Variants in CRELD2 observed in about 807,000 individuals in gnomAD.
CRELD2 encodes the protein protein disulfide isomerase CRELD2.
In CRELD2, 33 loss-of-function variants were observed where a neutral mutation model predicts 48.1. That is an observed-to-expected ratio of 0.69 (90% CI 0.52 to 0.92). The LOEUF (loss-of-function observed/expected upper bound fraction) is 0.92. CRELD2 is among the 40% of genes least tolerant of loss of function. The pLI, the probability that CRELD2 is intolerant of heterozygous loss-of-function variation, is 0.00. For missense variants in CRELD2, 477 were observed against 482.4 expected, an observed-to-expected ratio of 0.99 and a Z score of 0.10; for synonymous variants, 220 against 203.9, an observed-to-expected ratio of 1.08 and a Z score of -0.67.
chr22:49,924,559 C>A, intron 8 of CRELD2, 104 bp downstream of exon 8: 2 of 797,148 alleles, frequency 2.5e-6, no homozygotes, highest in South Asian at 1.8e-5. Context: ...AGTTGAGACC[C>A]GTCCTGCAGA....
At chr22:49,927,126 G>C in intron 9 of CRELD2, 129 bp from the exon 10 acceptor site, 1 of 806,532 alleles carries the variant, frequency 1.2e-6, no homozygotes, top group Non-Finnish European at 2.2e-6. Flanking sequence ...GCCCTTGGAT[G>C]GCTGCGTCCG....
chr22:49,924,278 A>T lies in CRELD2; in HGVS notation c.773-82A>T. The T allele has an allele frequency of 7.4e-6, 7 of 943,714 alleles. No individual in the cohort carries two copies. The South Asian group carries it at 1.1e-4, about 14-fold the overall frequency. 58.5% of individuals were successfully genotyped at this position (943,714 alleles called of 1,614,324 possible). ...AGGAGAAAACCCAAATCCTGGCGGC[A>T]CCGGTGCCTTGTGCATGTCGGGGTC... On this transcript the variant is annotated intron_variant, in intron 7 of 9. Coordinates refer to ENST00000328268, the MANE Select transcript of CRELD2 (RefSeq NM_024324.5).
intron 4 of CRELD2, 28 bp from the exon 5 acceptor site, chr22:49,921,557 T>C (rs748545287): frequency 4.4e-6 from 7 of 1,605,224 alleles, no homozygotes. Context: ...CCAGGTGTGC[T>C]CTGAGCATGG....
At chr22:49,922,306 GC>G (rs1569184998) in intron 5 of CRELD2, 1 of 1,238,216 alleles carries the variant, frequency 8.1e-7, no homozygotes, top group Admixed American at 2.0e-5. Flanking sequence ...GTCAGGACCG[GC>G]CTCTCCGATT....
In CRELD2 at chr22:49,924,415, G is replaced by A; in HGVS notation, c.828G>A (p.Glu276=). The A allele has an allele frequency of 6.2e-7, 1 of 1,612,622 alleles. No homozygotes were observed. The highest frequency in any genetic ancestry group is 8.5e-7 in the Non-Finnish European group (1 of 1,179,468). ...CTGEGPGNCK[E]CISGYAREHG... ...GGGAAGGCCCAGGAAACTGTAAAGA[G>A]TGTATCTCTGGCTACGCGAGGGAGC... is the stretch of plus-strand genomic sequence containing the variant. Residue 276 remains glutamate (E), a synonymous_variant, in exon 8 of 10, where the codon GAG becomes GAA. Transcript: ENST00000328268.
At chr22:49,923,458 T>C in intron 7 of CRELD2, 141 bp downstream of exon 7, 1 of 733,860 alleles carries the variant, frequency 1.4e-6, no homozygotes, top group Non-Finnish European at 2.4e-6. Flanking sequence ...AAGTAAGTCA[T>C]AGGTATTTGC....
chr22:49,919,087 C>A, intron 1 of CRELD2, 143 bp from the exon 2 acceptor site: 8 of 950,600 alleles, frequency 8.4e-6, no homozygotes, highest in Non-Finnish European at 1.3e-5. Flanking sequence ...TCCCCCTCAC[C>A]CTTGACCCGG....
At chr22:49,925,130 C>CAAAA in intron 8 of CRELD2, 1 of 145,566 alleles carries the variant, frequency 6.9e-6, no homozygotes, top group Non-Finnish European at 1.3e-5. Context: ...GACTCCGCCT[C>CAAAA]AAAAAAAAAA....
intron 6 of CRELD2, 26 bp from the exon 7 acceptor site, chr22:49,923,208 C>G: frequency 6.5e-7 from 1 of 1,539,770 alleles, no homozygotes; most frequent in Admixed American, 1.9e-5. Flanking sequence ...TCCTGGGCCG[C>G]TCACAGCTGT....
rs770929809 is a variant in CRELD2, at chr22:49,921,659, G to T, written c.490G>T (p.Gly164Trp). 3 of 1,612,684 alleles carry T rather than the reference G, an allele frequency of 1.9e-6. No homozygotes were observed. The highest frequency in any genetic ancestry group is 2.7e-5 in the African/African-American group (2 of 74,926). The change falls in exon 5 of 10, where the codon GGG (glycine) becomes TGG (tryptophan). Residue 164 changes from glycine (G) to tryptophan (W), a missense_variant. Coordinates refer to ENST00000328268, the MANE Select transcript of CRELD2 (RefSeq NM_024324.5). Reference sequence around the variant, plus strand: ...CGGAGATGGGAGCAGACAGGGCGACGGGTCCTGCCGGTGCCACATGGGGTA... The same window carrying T: ...CGGAGATGGGAGCAGACAGGGCGACTGGTCCTGCCGGTGCCACATGGGGTA... ...CSGDGSRQGD[G>W]SCRCHMGYQG...
chr22:49,924,182 A>G (rs2060732664), intron 7 of CRELD2, 178 bp from the exon 8 acceptor site: 2 of 535,060 alleles, frequency 3.7e-6, no homozygotes, highest in South Asian at 2.3e-5. Context: ...CCTGCTGCAC[A>G]GCAGGACGCG....
intron 1 of CRELD2, 21 bp from the exon 2 acceptor site, chr22:49,919,209 A>G (rs185875841): frequency 1.9e-6 from 3 of 1,612,180 alleles, no homozygotes; most frequent in East Asian, 2.2e-5. Context: ...ACCAAGCACT[A>G]TGGGCACTGT....
At chr22:49,919,026 T>TCGGGGGCGCCCCCGCCGTGGGCC in intron 1 of CRELD2, 128 bp downstream of exon 1, 1 of 862,368 alleles carries the variant, frequency 1.2e-6, no homozygotes. Flanking sequence ...CACCCTGGAT[T>TCGGGGGCGCCCCCGCCGTGGGCC]CGGGATCCCC....
Position 49,919,798 on chromosome 22 carries a change from T to C in CRELD2, c.281T>C (p.Leu94Pro), listed in dbSNP as rs1461803577. 1 of 1,613,106 alleles carries C rather than the reference T, an allele frequency of 6.2e-7. No homozygotes were observed. Residue 94 changes from leucine (L) to proline (P), a missense_variant, in exon 3 of 10, where the codon CTA becomes CCA. Physicochemically the swap from Leu to Pro is moderately conservative, Grantham distance 98. Coordinates refer to ENST00000328268, the MANE Select transcript of CRELD2 (RefSeq NM_024324.5). ...ESSDFECNQM[L>P]EAQEEHLEAW... ...AGCGACTTCGAATGCAATCAGATGC[T>C]AGAGGCGCAGGAGGAGCACCTGGAG...
chr22:49,924,219 G>A (rs549393723), intron 7 of CRELD2, 141 bp from the exon 8 acceptor site: 1 of 606,784 alleles, frequency 1.6e-6, no homozygotes, highest in African/African-American at 1.8e-5. Flanking sequence ...GGGAGACAGA[G>A]ACAGATCGTT....
At chr22:49,922,249 G>A (rs747174033) in intron 5 of CRELD2, 2 of 1,560,244 alleles carry the variant, frequency 1.3e-6, no homozygotes, top group Admixed American at 1.8e-5. Context: ...ACAGACCCGT[G>A]GATCGATAGT....
In CRELD2 at chr22:49,925,486, G is replaced by A. The variant is rs774555010; in HGVS notation, c.938G>A (p.Gly313Glu). The part of the protein sequence containing the change: ...RKNENCYNTP[G>E]SYVCVCPDGF... ...AACGAAAACTGCTACAATACTCCAG[G>A]GAGCTACGTCTGTGTGTGTCCTGAC... Residue 313 changes from glycine to glutamate, a missense_variant, in exon 9 of 10, where the codon GGG (glycine) becomes GAG (glutamate). Gly to Glu is a moderately conservative substitution (Grantham distance 98). Coordinates refer to ENST00000328268, the MANE Select transcript of CRELD2 (RefSeq NM_024324.5). The A allele has an allele frequency of 6.2e-7, 1 of 1,614,014 alleles. No individual in the cohort carries two copies. Among genetic ancestry groups the A allele is most frequent in the South Asian group, 1.1e-5 (1 of 91,084 alleles).
At chr22:49,924,543 G>T (rs565364672) in intron 8 of CRELD2, 88 bp downstream of exon 8, 5 of 998,996 alleles carry the variant, frequency 5.0e-6, no homozygotes, top group Admixed American at 2.1e-5. Context: ...GCCAGGGATG[G>T]GAAGCAGTTG....
Position 49,918,856 on chromosome 22 carries a change from G to T in CRELD2, c.87G>T (p.Thr29=). ...CGCCGGAGGCCGCCAAGAAGCCGACGCCCTGCCACCGGTGCCGGGGGCTGG... is the reference window on the plus strand; with the variant it reads ...CGCCGGAGGCCGCCAAGAAGCCGACTCCCTGCCACCGGTGCCGGGGGCTGG... ...PPAPEAAKKP[T]PCHRCRGLVD... is the part of the protein sequence containing the mutation. Residue 29 remains threonine (T), a synonymous_variant, in exon 1 of 10, where the codon ACG becomes ACT. Transcript: ENST00000328268. 7.6e-7 allele frequency: 1 copy of T among 1,314,408 alleles called. No homozygotes were observed. The highest frequency in any genetic ancestry group is 9.7e-7 in the Non-Finnish European group (1 of 1,034,916). The allele number at this position is 1,314,408 out of a possible 1,614,324, so 81.4% of individuals were successfully genotyped here. A position where few individuals can be genotyped will look rare whatever the true frequency, so the allele number is the denominator to read the frequency against.
Sources: allele counts gnomAD v4.1 joint callset, GRCh38; gene constraint gnomAD v4.1.1; transcripts MANE v1.5; gene names NCBI Gene and HGNC (gene_info 2026-07-23, HGNC 2026-07-21).